Variants in ZNF181 observed in about 807,000 individuals in gnomAD.
ZNF181 encodes the protein zinc finger protein 181.
Under a neutral mutation model 11.9 loss-of-function variants are expected in ZNF181, and 8 were observed. The observed-to-expected ratio is 0.67, with a 90% CI of 0.39 to 1.21. The LOEUF (loss-of-function observed/expected upper bound fraction) is 1.21. Among genes scored for constraint, ZNF181 ranks in the 50% most tolerant of loss-of-function variants. The pLI is 0.01. For missense variants in ZNF181, 542 were observed against 670.9 expected (o/e 0.81, Z 2.12); for synonymous variants, 202 against 221.1 (o/e 0.91, Z 0.77).
intron 1 of ZNF181, among the ~76,000 whole-genome samples, chr19:34,737,356 A>G (rs1195355923): frequency 6.6e-6 from 1 of 152,262 alleles, no homozygotes; most frequent in East Asian, 1.9e-4. Context: ...CAAATAATGT[A>G]ATACAATGCT....
intron 3 of ZNF181, among the ~76,000 whole-genome samples, chr19:34,740,167 A>G (rs559615338): frequency 2.6e-5 from 4 of 152,352 alleles, no homozygotes; most frequent in Admixed American, 1.3e-4. Flanking sequence ...TTGTGTTTTT[A>G]CTGCAACTGT....
In ZNF181 at chr19:34,734,827, G is replaced by A. The variant is rs1027387217; in HGVS notation, c.-211G>A. The stretch of plus-strand genomic sequence containing the variant: ...CTGGTAAATGGTTAGCCCTTGCGGA[G>A]AAACACCCTGTTAGTTCCCAGGGAG... On this transcript the variant is annotated 5_prime_UTR_variant, in exon 1 of 4. Transcript: ENST00000492450. 9.0e-6 allele frequency: 5 copies of A among 558,576 alleles called. No individual in the cohort carries two copies. The Admixed American group carries it at 1.0e-4, about 11-fold the overall frequency. The allele number at this position is 558,576 out of a possible 1,614,324, so 34.6% of individuals were successfully genotyped here.
intron 3 of ZNF181, among the ~76,000 whole-genome samples, 164 bp from the exon 4 acceptor site, chr19:34,740,447 A>G (rs2068951838): frequency 6.6e-6 from 1 of 152,118 alleles, no homozygotes; most frequent in African/African-American, 2.4e-5. Context: ...TCTCTGCTCC[A>G]TTTGAGCACT....
chr19:34,739,841 A>C (rs1220360789), intron 3 of ZNF181, among the ~76,000 whole-genome samples: 1 of 152,220 alleles, frequency 6.6e-6, no homozygotes, highest in East Asian at 1.9e-4. Flanking sequence ...AATCAAGGTT[A>C]GAGGTTTTTG....
chr19:34,740,986 A>G lies in ZNF181; in HGVS notation c.605A>G (p.Lys202Arg). The G allele has an allele frequency of 6.2e-7, 1 of 1,614,120 alleles. No individual in the cohort carries two copies. The highest frequency in any genetic ancestry group is 8.5e-7 in the Non-Finnish European group (1 of 1,179,998). Residue 202 changes from lysine to arginine, a missense_variant, in exon 4 of 4, where the codon AAA (lysine) becomes AGA (arginine). Coordinates refer to ENST00000492450, the MANE Select transcript of ZNF181 (RefSeq NM_001029997.4). ...LPKKSVIKNE[K>R]VNGGKKLLNS... ...AAAAAGTCAGTTATAAAAAATGAGA[A>G]AGTCAATGGTGGAAAGAAACTTTTG...
rs756164197 is a variant in ZNF181, at chr19:34,741,066, C to T, written c.685C>T (p.Gln229Ter). 6.2e-7 allele frequency: 1 copy of T among 1,614,134 alleles called. No individual in the cohort carries two copies. The highest frequency in any genetic ancestry group is 1.7e-5 in the Admixed American group (1 of 60,030). ...CCAGGGCAAATCTCTTACCCTTCCC[C>T]AGACTTGTAATAGAGAGAAAATCTA... ...FSQGKSLTLP[Q>*]TCNREKIYTC... The change falls in exon 4 of 4, where the codon CAG (glutamine) becomes TAG (stop). Residue 229 changes from glutamine to a stop codon, truncating the protein, a stop_gained. Transcript: ENST00000492450. LOFTEE classifies it low-confidence loss of function (END_TRUNC).
intron 1 of ZNF181, among the ~76,000 whole-genome samples, chr19:34,736,792 C>G (rs1269980098): frequency 2.6e-5 from 4 of 152,136 alleles, no homozygotes; most frequent in Admixed American, 1.3e-4. Flanking sequence ...AGTAAGAAAG[C>G]ATAAGAAATT....
rs2069006979 is a variant in ZNF181, at chr19:34,743,333, A to G, written c.*1236A>G. On this transcript the variant is annotated 3_prime_UTR_variant, in exon 4 of 4. Coordinates refer to ENST00000492450, the MANE Select transcript of ZNF181 (RefSeq NM_001029997.4). ...CTCGCAGGGATGTTATCTGACAAGA[A>G]AGATGGATAGCAAATAAATTTGAAA... The G allele has an allele frequency of 6.6e-6, 1 of 152,242 alleles. No homozygotes were observed. Among genetic ancestry groups the G allele is most frequent in the South Asian group, 2.1e-4 (1 of 4,836 alleles). The allele number at this position is 152,242 out of a possible 1,614,324, so 9.4% of individuals were successfully genotyped here. A position where few individuals can be genotyped will look rare whatever the true frequency, so the allele number is the denominator to read the frequency against.
intron 1 of ZNF181, among the ~76,000 whole-genome samples, chr19:34,738,769 A>G (rs1207359654): frequency 6.6e-6 from 1 of 152,090 alleles, no homozygotes; most frequent in African/African-American, 2.4e-5. Context: ...TCATTTTTTA[A>G]TTACTTACCT....
chr19:34,739,996 C>T (rs575211520), intron 3 of ZNF181, among the ~76,000 whole-genome samples: 27 of 152,084 alleles, frequency 1.8e-4, no homozygotes, highest in African/African-American at 6.0e-4. Flanking sequence ...TAAAGCTGAG[C>T]GTTGTAGATG....
rs1384711458 is a variant in ZNF181 at position 34,734,470 on chromosome 19, G to A, written c.-568G>A. ...CCCCGGCCGGTGCCTTGGTTTTCCT[G>A]GCCTTCATGTCCTCCTATGTAAACG... On this transcript the variant is annotated 5_prime_UTR_variant, in exon 1 of 4. Transcript: ENST00000492450. 1.3e-5 allele frequency: 2 copies of A among 153,070 alleles called. No individual in the cohort carries two copies. Among genetic ancestry groups the A allele is most frequent in the East Asian group, 1.9e-4 (1 of 5,212 alleles). The allele number at this position is 153,070 out of a possible 1,614,324, so 9.5% of individuals were successfully genotyped here.
chr19:34,739,064 C>T, intron 1 of ZNF181, 84 bp from the exon 2 acceptor site: 1 of 1,584,552 alleles, frequency 6.3e-7, no homozygotes, highest in Non-Finnish European at 8.6e-7. Context: ...TCCATTTCTC[C>T]CACAACCAGG....
At chr19:34,738,474 C>T (rs75623286) in intron 1 of ZNF181, among the ~76,000 whole-genome samples, 186 of 152,124 alleles carry the variant, frequency 1.2e-3, no homozygotes, top group Non-Finnish European at 1.9e-3. Context: ...TCAATACACG[C>T]GTTTTGGGGG....
At chr19:34,740,012 T>C (rs562868468) in intron 3 of ZNF181, among the ~76,000 whole-genome samples, 22 of 152,240 alleles carry the variant, frequency 1.4e-4, no homozygotes, top group Non-Finnish European at 3.1e-4. Flanking sequence ...AGATGAAATA[T>C]GAACATATTA....
At position 34,744,601 on chromosome 19, in the gene ZNF181, A is replaced by G. The variant is rs2145435923; in HGVS notation, c.*2504A>G. 6.6e-6 allele frequency: 1 copy of G among 152,348 alleles called. No homozygotes were observed. The highest frequency in any genetic ancestry group is 1.9e-4 in the East Asian group (1 of 5,184). 9.4% of individuals were successfully genotyped at this position (152,348 alleles called of 1,614,324 possible). On this transcript the variant is annotated 3_prime_UTR_variant, in exon 4 of 4. Coordinates refer to ENST00000492450, the MANE Select transcript of ZNF181 (RefSeq NM_001029997.4). ...TTGAGTACAGGAGTTTTAAGGTCACAGTGAGCTATCATCACACCACTGCTT... is the reference window on the plus strand; with the variant it reads ...TTGAGTACAGGAGTTTTAAGGTCACGGTGAGCTATCATCACACCACTGCTT...
Position 34,744,183 on chromosome 19 carries a change from A to C in ZNF181, c.*2086A>C, listed in dbSNP as rs2069014690. 1 of 152,222 alleles carries C rather than the reference A, an allele frequency of 6.6e-6. No homozygotes were observed. Among genetic ancestry groups the C allele is most frequent in the Non-Finnish European group, 1.5e-5 (1 of 68,042 alleles). The allele number at this position is 152,222 out of a possible 1,614,324, so 9.4% of individuals were successfully genotyped here. ...ATGTATCTCCTCTGATATATGTGCTACCTTAACAGAAAGCCAAAGCACAGA... is the reference window on the plus strand; with the variant it reads ...ATGTATCTCCTCTGATATATGTGCTCCCTTAACAGAAAGCCAAAGCACAGA... On this transcript the variant is annotated 3_prime_UTR_variant, in exon 4 of 4. Coordinates refer to ENST00000492450, the MANE Select transcript of ZNF181 (RefSeq NM_001029997.4).
chr19:34,743,567 A>G lies in ZNF181; in HGVS notation c.*1470A>G, dbSNP rs2069008985. On this transcript the variant is annotated 3_prime_UTR_variant, in exon 4 of 4. Coordinates refer to ENST00000492450, the MANE Select transcript of ZNF181 (RefSeq NM_001029997.4). ...TGCTGGGTGTTAATCTAGGTAAAGC[A>G]GACAGTCGAGTTCTGTCATACTTGC... 6.6e-6 allele frequency: 1 copy of G among 152,228 alleles called. No individual in the cohort carries two copies. Among genetic ancestry groups the G allele is most frequent in the South Asian group, 2.1e-4 (1 of 4,832 alleles). 9.4% of individuals were successfully genotyped at this position (152,228 alleles called of 1,614,324 possible). A position where few individuals can be genotyped will look rare whatever the true frequency, so the allele number is the denominator to read the frequency against.
intron 3 of ZNF181, 26 bp from the exon 4 acceptor site, chr19:34,740,585 T>C: frequency 6.6e-7 from 1 of 1,523,316 alleles, no homozygotes; most frequent in Non-Finnish European, 8.8e-7. Context: ...AACAAAACAG[T>C]GCTTTGCTTT....
chr19:34,735,106 T>C (rs1276054619), intron 1 of ZNF181, 60 bp downstream of exon 1: 2 of 1,542,238 alleles, frequency 1.3e-6, no homozygotes, highest in South Asian at 1.2e-5. Flanking sequence ...GTGTTTGCTT[T>C]GCTTCTCCTG....
Sources: gnomAD v4.1 joint callset for allele counts (sites outside exome capture counted in the v4.1 genomes callset) on GRCh38, gnomAD v4.1.1 for gene constraint, MANE v1.5 for transcripts, NCBI Gene and HGNC (gene_info 2026-07-23, HGNC 2026-07-21) for gene names.